CCAR2: variants seen among roughly 807,000 people sequenced by gnomAD.
CCAR2 encodes the protein cell cycle and apoptosis regulator 2.
In CCAR2, 21 loss-of-function variants were observed where a neutral mutation model predicts 108.1. The ratio of observed to expected loss-of-function variants is 0.19; its 90% CI spans 0.14 to 0.28. The LOEUF is 0.28. Among genes scored for constraint, CCAR2 ranks in the 10% least tolerant of loss-of-function variants. The pLI, the probability that CCAR2 is intolerant of heterozygous loss-of-function variation, is 1.00. For synonymous variants in CCAR2, 577 were observed against 472.8 expected (o/e 1.22, Z -2.86); for missense variants, 1,126 against 1,177.0 (o/e 0.96, Z 0.63).
intron 6 of CCAR2, 138 bp from the exon 7 acceptor site, chr8:22,607,831 C>G: frequency 3.0e-6 from 2 of 662,824 alleles, no homozygotes; most frequent in Non-Finnish European, 5.3e-6. Flanking sequence ...TCACCATGTT[C>G]GCCAGGCTAG....
chr8:22,608,474 A>G (rs1563908090), intron 7 of CCAR2, among the ~76,000 whole-genome samples: 3 of 152,236 alleles, frequency 2.0e-5, no homozygotes, highest in Admixed American at 6.5e-5. Flanking sequence ...ACGTTTCTTT[A>G]TAGACACCAT....
At position 22,619,135 on chromosome 8, in the gene CCAR2, T is replaced by G. The variant is rs201763713; in HGVS notation, c.2522-15T>G. The G allele has an allele frequency of 5.6e-6, 9 of 1,604,012 alleles. No homozygotes were observed. The highest frequency in any genetic ancestry group is 6.0e-6 in the Non-Finnish European group (7 of 1,174,584). On this transcript the variant is annotated splice_polypyrimidine_tract_variant and intron_variant, in intron 19 of 20. Coordinates refer to ENST00000308511, the MANE Select transcript of CCAR2 (RefSeq NM_001393997.1). The stretch of plus-strand genomic sequence containing the variant: ...TGATGGAGCAGCCGTCCCCGTTTCC[T>G]TCTCCACCTTGCAGAGGAGAGCCAT...
chr8:22,616,385 C>T (rs1255294534), intron 14 of CCAR2, 137 bp downstream of exon 14: 1 of 773,148 alleles, frequency 1.3e-6, no homozygotes, highest in African/African-American at 1.7e-5. Flanking sequence ...GGCCGCACAG[C>T]TAGTAAGTAG....
chr8:22,620,606 C>G (rs962749322), downstream of CCAR2: 3 of 152,160 alleles, frequency 2.0e-5, no homozygotes, highest in Admixed American at 6.5e-5. Flanking sequence ...CGCACACACC[C>G]CTGGCATGCT....
chr8:22,605,504 A>T (rs555572639), intron 1 of CCAR2: 12 of 459,600 alleles, frequency 2.6e-5, no homozygotes, highest in African/African-American at 2.4e-4. Flanking sequence ...TTGTCTGTAA[A>T]ACAGCATGAC....
intron 7 of CCAR2, 42 bp downstream of exon 7, chr8:22,608,107 T>TAACA (rs1585154066): frequency 5.0e-6 from 7 of 1,398,534 alleles, no homozygotes; most frequent in Non-Finnish European, 7.0e-6. Flanking sequence ...TTGTTGACAC[T>TAACA]AACATTCTCT....
chr8:22,609,450 C>T (rs115505860), intron 7 of CCAR2, among the ~76,000 whole-genome samples: 1,683 of 152,294 alleles, frequency 0.011, 31 homozygotes, highest in East Asian at 0.062. Context: ...CCACGCCCGG[C>T]CCATTGTGAA....
chr8:22,616,198 A>G lies in CCAR2; in HGVS notation c.1795A>G (p.Lys599Glu). The G allele has an allele frequency of 6.2e-7, 1 of 1,613,850 alleles. No homozygotes were observed. The highest frequency in any genetic ancestry group is 8.5e-7 in the Non-Finnish European group (1 of 1,180,022). The change falls in exon 14 of 21, where the codon AAG (lysine) becomes GAG (glutamate). Residue 599 changes from lysine (K) to glutamate (E), a missense_variant. Around this residue, in one of 4 missense-constraint regions of CCAR2, gnomAD observed 1,013 missense variants for 993.9 expected, o/e 1.02. Transcript: ENST00000308511. Reference protein sequence around the residue: ...AIKEEVVKEPKDEAQNEGPAT... With the variant: ...AIKEEVVKEPEDEAQNEGPAT... Reference sequence around the variant, plus strand: ...CAAAGAGGAGGTGGTCAAGGAGCCCAAGGATGAGGCACAGAATGAGGGCCC... The same window carrying G: ...CAAAGAGGAGGTGGTCAAGGAGCCCGAGGATGAGGCACAGAATGAGGGCCC...
rs138768890 is a variant in CCAR2 at position 22,616,293 on chromosome 8, C to T, written c.1845+45C>T. On this transcript the variant is annotated intron_variant, in intron 14 of 20. Coordinates refer to ENST00000308511, the MANE Select transcript of CCAR2 (RefSeq NM_001393997.1). The stretch of plus-strand genomic sequence containing the variant: ...GGGCTGTCATAGTGCTTACCGTGAC[C>T]GCGCACCTTTACCCCGGGCTCTGTT... 69 of 1,558,598 alleles carry T rather than the reference C, an allele frequency of 4.4e-5. No homozygotes were observed. The African/African-American group carries it at 4.6e-4, about 10-fold the overall frequency.
In CCAR2 at chr8:22,604,799, T is replaced by C; in HGVS notation, c.-82T>C. The C allele has an allele frequency of 2.2e-6, 1 of 455,686 alleles. No homozygotes were observed. The highest frequency in any genetic ancestry group is 4.4e-6 in the Non-Finnish European group (1 of 226,870). The allele number at this position is 455,686 out of a possible 1,614,324, so 28.2% of individuals were successfully genotyped here. ...CGGCGGCAGCAGCGGCTGTGGTGGT[T>C]CCGGGTGTCTTTGTCCCCCCGGTGT... On this transcript the variant is annotated 5_prime_UTR_variant, in exon 1 of 21. Transcript: ENST00000308511.
intron 6 of CCAR2, 149 bp downstream of exon 6, chr8:22,607,474 T>G (rs1482140128): frequency 1.9e-5 from 17 of 889,520 alleles, no homozygotes; most frequent in Non-Finnish European, 2.4e-5. Context: ...AGGGTTTTTT[T>G]TTTTTTTTTT....
downstream of CCAR2, chr8:22,621,191 G>T: frequency 1.8e-6 from 1 of 560,788 alleles, no homozygotes; most frequent in Non-Finnish European, 3.1e-6. Context: ...AAATAAAAAA[G>T]CCCCAAGGGT....
In CCAR2 at chr8:22,619,528, G is replaced by GCAGTCAGT. The variant is rs889084625; in HGVS notation, c.2728-103_2728-102insTCAGTCAG. 10 of 1,419,738 alleles carry GCAGTCAGT rather than the reference G, an allele frequency of 7.0e-6. No homozygotes were observed. In the African/African-American group the frequency reaches 1.3e-4, roughly 18 times the overall value. 87.9% of individuals were successfully genotyped at this position (1,419,738 alleles called of 1,614,324 possible). A position where few individuals can be genotyped will look rare whatever the true frequency, so the allele number is the denominator to read the frequency against. ...TGGTTGCAGGTTCTCTGGGAATTGA[G>GCAGTCAGT]CAGTCAGCAGCGTGCAGTGGGAGCT... On this transcript the variant is annotated intron_variant, in intron 20 of 20. Coordinates refer to ENST00000308511, the MANE Select transcript of CCAR2 (RefSeq NM_001393997.1).
rs756247169 is a variant in CCAR2, at chr8:22,619,620, A to G, written c.2728-18A>G. 1.6e-5 allele frequency: 10 copies of G among 642,164 alleles called. No individual in the cohort carries two copies. Among genetic ancestry groups the G allele is most frequent in the Middle Eastern group, 3.8e-4 (1 of 2,614 alleles). 39.8% of individuals were successfully genotyped at this position (642,164 alleles called of 1,614,324 possible). On this transcript the variant is annotated intron_variant, in intron 20 of 20. Transcript: ENST00000308511. ...CCTTGCCAGGCCCGATTCTGGGTAC[A>G]TCATCTGTTTCAAACAGGCTGACAG...
intron 10 of CCAR2, 66 bp downstream of exon 10, chr8:22,614,569 T>C (rs934326445): frequency 2.7e-5 from 38 of 1,426,498 alleles, no homozygotes; most frequent in African/African-American, 2.4e-4. Context: ...ATGTTTTGAG[T>C]GTTCGGCTCC....
intron 7 of CCAR2, among the ~76,000 whole-genome samples, chr8:22,612,290 A>G (rs1801316251): frequency 7.1e-6 from 1 of 141,366 alleles, no homozygotes; most frequent in African/African-American, 2.7e-5. Context: ...TTTTTTTGAG[A>G]CGGAGTCTTG....
At chr8:22,615,959 C>T (rs1326591008) in intron 13 of CCAR2, 47 bp downstream of exon 13, 5 of 1,612,380 alleles carry the variant, frequency 3.1e-6, no homozygotes, top group Non-Finnish European at 4.2e-6. Context: ...GATTTGTGGG[C>T]CTGAAGCAGT....
At position 22,618,831 on chromosome 8, in the gene CCAR2, C is replaced by T; in HGVS notation, c.2337C>T (p.Asn779=). Residue 779 remains asparagine, a synonymous_variant, in exon 19 of 21, where the codon AAC becomes AAT. Coordinates refer to ENST00000308511, the MANE Select transcript of CCAR2 (RefSeq NM_001393997.1). ...GGLPEEVLFG[N]LDLLPPPGKS... ...CTTTTTCACGGTTCTCTCTAGGAAA[C>T]CTGGACCTGCTGCCCCCTCCTGGGA... 3 of 1,613,642 alleles carry T rather than the reference C, an allele frequency of 1.9e-6. No individual in the cohort carries two copies. The highest frequency in any genetic ancestry group is 2.5e-6 in the Non-Finnish European group (3 of 1,179,892).
intron 7 of CCAR2, among the ~76,000 whole-genome samples, chr8:22,609,608 C>A (rs1362927541): frequency 3.9e-5 from 6 of 152,228 alleles, no homozygotes; most frequent in Non-Finnish European, 1.5e-5. Flanking sequence ...ACCCACTCCT[C>A]TTGTCCTGTG....
Sources: gnomAD v4.1 joint callset for allele counts (sites outside exome capture counted in the v4.1 genomes callset) on GRCh38, gnomAD v4.1.1 for gene constraint, gnomAD v4.1.1 regional missense constraint, MANE v1.5 for transcripts, NCBI Gene and HGNC (gene_info 2026-07-23, HGNC 2026-07-21) for gene names.